The following CARM1 variants were observed in gnomAD, a reference collection of about 807,000 sequenced individuals.
The protein encoded by CARM1 is histone-arginine methyltransferase CARM1.
Under a neutral mutation model 72.7 loss-of-function variants are expected in CARM1, and 14 were observed. The observed-to-expected ratio is 0.19, with a 90% CI of 0.13 to 0.30. The LOEUF (loss-of-function observed/expected upper bound fraction) is 0.30, where lower values mean the gene tolerates loss of function less well. Ranked by LOEUF, CARM1 falls within the 10% of genes least tolerant of loss-of-function variation. The pLI is 1.00. For missense variants in CARM1, 432 were observed against 833.7 expected (o/e 0.52, Z 5.93); for synonymous variants, 333 against 345.5 (o/e 0.96, Z 0.40).
chr19:10,872,001 G>A, intron 1 of CARM1, 79 bp downstream of exon 1: 1 of 1,116,774 alleles, frequency 9.0e-7, no homozygotes, highest in Non-Finnish European at 1.1e-6. Flanking sequence ...GGCGGGGAGG[G>A]GCCCTGAGCG....
chr19:10,909,840 A>G (rs954226090), intron 4 of CARM1, among the ~76,000 whole-genome samples: 1 of 152,240 alleles, frequency 6.6e-6, no homozygotes, highest in Admixed American at 6.5e-5. Context: ...AGAGGCCTCT[A>G]TCAGTTCCCT....
At chr19:10,913,648 C>G (rs2074172036) in intron 5 of CARM1, among the ~76,000 whole-genome samples, 1 of 152,166 alleles carries the variant, frequency 6.6e-6, no homozygotes, top group South Asian at 2.1e-4. Context: ...GTCCGCCTGC[C>G]TCGGCCTCCC....
intron 2 of CARM1, among the ~76,000 whole-genome samples, chr19:10,905,889 C>T (rs984663673): frequency 2.0e-5 from 3 of 151,570 alleles, no homozygotes; most frequent in African/African-American, 7.3e-5. Flanking sequence ...GAGCCACCTG[C>T]CTCAGCCTCC....
Position 10,871,583 on chromosome 19 carries a change from AGCGGCAGCGGCGGCGGCGGCGGCGGCG to A in CARM1, c.-114_-88del, listed in dbSNP as rs1236454512. ...CCTGCACGGCGGCTGCGGCGGCGGT[AGCGGCAGCGGCGGCGGCGGCGGCGGCG>A]GCGGCGGCGGCGGCGGCGGCGGCGG... On this transcript the variant is annotated 5_prime_UTR_variant, in exon 1 of 16. Coordinates refer to ENST00000327064, the MANE Select transcript of CARM1 (RefSeq NM_199141.2). The surrounding 1 kb of genome is among the most constrained non-coding windows in gnomAD (Gnocchi z 5.6). The A allele has an allele frequency of 3.9e-5, 3 of 76,394 alleles. No homozygotes were observed. Among genetic ancestry groups the A allele is most frequent in the African/African-American group, 1.1e-4 (2 of 18,322 alleles). The allele number at this position is 76,394 out of a possible 1,614,324, so 4.7% of individuals were successfully genotyped here.
chr19:10,884,028 TTTC>T (rs2073922028), intron 1 of CARM1, among the ~76,000 whole-genome samples: 1 of 139,202 alleles, frequency 7.2e-6, no homozygotes, highest in Non-Finnish European at 1.6e-5. Context: ...TTTTTTTTTT[TTTC>T]GTTTTTTGTT....
At chr19:10,886,341 G>A (rs2073942245) in intron 1 of CARM1, among the ~76,000 whole-genome samples, 1 of 151,894 alleles carries the variant, frequency 6.6e-6, no homozygotes, top group South Asian at 2.1e-4. Flanking sequence ...TTACAGGCGT[G>A]AGCCACCGTG....
Position 10,921,408 on chromosome 19 carries a change from G to C in CARM1, c.1649G>C (p.Arg550Pro). Residue 550 changes from arginine to proline, a missense_variant, in exon 15 of 16, where the codon CGG becomes CCG. Around this residue, in one of 3 missense-constraint regions of CARM1, gnomAD observed 142 missense variants for 188.7 expected, o/e 0.75. Transcript: ENST00000327064. The stretch of plus-strand genomic sequence containing the variant: ...GGGATTGTCAATCACACCCACTCCC[G>C]GATGGGCTCCATAATGAGCACGGGG... ...NTGIVNHTHS[R>P]MGSIMSTGIV... 4.3e-6 allele frequency: 7 copies of C among 1,610,174 alleles called. No individual in the cohort carries two copies. Among genetic ancestry groups the C allele is most frequent in the Non-Finnish European group, 5.9e-6 (7 of 1,178,808 alleles).
At chr19:10,908,482 G>A (rs751857079) in intron 3 of CARM1, 1 of 259,434 alleles carries the variant, frequency 3.9e-6, no homozygotes, top group Non-Finnish European at 7.6e-6. Flanking sequence ...GCTGTCACAT[G>A]CACAGAAGCA....
intron 1 of CARM1, among the ~76,000 whole-genome samples, chr19:10,873,629 T>TG (rs1265364143): frequency 7.8e-4 from 69 of 88,562 alleles, no homozygotes; most frequent in Non-Finnish European, 1.3e-3. Flanking sequence ...GTTTAGTTTT[T>TG]TTTTTTTTTT....
At chr19:10,890,253 G>GTT (rs1367902441) in intron 1 of CARM1, among the ~76,000 whole-genome samples, 4 of 140,282 alleles carry the variant, frequency 2.9e-5, no homozygotes, top group South Asian at 2.4e-4. Context: ...TGGTTTTTTT[G>GTT]TTTTTTGTTT....
chr19:10,898,158 T>G (rs2074037664), intron 1 of CARM1, among the ~76,000 whole-genome samples: 1 of 150,110 alleles, frequency 6.7e-6, no homozygotes, highest in Non-Finnish European at 1.5e-5. Context: ...AATACAAAAA[T>G]TAGCCAGGTG....
At chr19:10,905,942 CTTTT>C (rs35328638) in intron 2 of CARM1, among the ~76,000 whole-genome samples, 1 of 103,440 alleles carries the variant, frequency 9.7e-6, no homozygotes, top group Non-Finnish European at 1.9e-5. Context: ...TGCCCGGCCC[CTTTT>C]TTTTTTTTTT....
intron 1 of CARM1, among the ~76,000 whole-genome samples, chr19:10,902,859 CTCCCAAAG>C (rs1312790964): frequency 6.6e-6 from 1 of 152,170 alleles, no homozygotes; most frequent in African/African-American, 2.4e-5. Flanking sequence ...ATCTGCCTGA[CTCCCAAAG>C]TACTGGGATT....
intron 1 of CARM1, among the ~76,000 whole-genome samples, chr19:10,899,033 G>GTTTTTT (rs34563725): frequency 1.7e-5 from 2 of 117,448 alleles, no homozygotes; most frequent in Admixed American, 8.9e-5. Flanking sequence ...GGCTTAGCTT[G>GTTTTTT]TTTTTTTTTT....
chr19:10,874,577 G>A (rs1312940039), intron 1 of CARM1, among the ~76,000 whole-genome samples: 1 of 151,206 alleles, frequency 6.6e-6, no homozygotes, highest in Non-Finnish European at 1.5e-5. Flanking sequence ...TTTTTGTAGA[G>A]AAAGGGTTTT....
At chr19:10,913,601 T>A (rs1032835764) in intron 5 of CARM1, among the ~76,000 whole-genome samples, 1 of 151,944 alleles carries the variant, frequency 6.6e-6, no homozygotes, top group Non-Finnish European at 1.5e-5. Flanking sequence ...TTTCTCCATG[T>A]TGGTCAGGCT....
chr19:10,878,875 C>T (rs529327411), intron 1 of CARM1, among the ~76,000 whole-genome samples: 1 of 150,164 alleles, frequency 6.7e-6, no homozygotes, highest in African/African-American at 2.4e-5. Context: ...GGTGTGATCT[C>T]AGCTCACTGC....
chr19:10,901,287 TTTTG>T (rs764571229), intron 1 of CARM1, among the ~76,000 whole-genome samples: 164 of 145,588 alleles, frequency 1.1e-3, no homozygotes, highest in Middle Eastern at 8.1e-3. Flanking sequence ...TTGGCCAGCT[TTTTG>T]TTTGTTTGTT....
intron 4 of CARM1, among the ~76,000 whole-genome samples, chr19:10,910,806 C>T (rs2062363351): frequency 6.6e-6 from 1 of 151,938 alleles, no homozygotes; most frequent in African/African-American, 2.4e-5. Flanking sequence ...CCTCATGATC[C>T]ACCCACCTCA....
Sources: allele counts gnomAD v4.1 joint callset (sites outside exome capture counted in the v4.1 genomes callset), GRCh38; gene constraint gnomAD v4.1.1; regional missense constraint gnomAD v4.1.1; non-coding constraint Gnocchi (gnomAD v3.1); transcripts MANE v1.5; gene names NCBI Gene and HGNC (gene_info 2026-07-23, HGNC 2026-07-21).